PCDH15: variants seen among roughly 807,000 people sequenced by gnomAD.
The protein encoded by PCDH15 is protocadherin related 15, also known as protocadherin-15.
A neutral mutation model predicts 178.5 loss-of-function variants in PCDH15; 129 were observed. That is an observed-to-expected ratio of 0.72 (90% CI 0.63 to 0.84). PCDH15 has a LOEUF of 0.84. Among genes scored for constraint, PCDH15 ranks in the 40% least tolerant of loss-of-function variants. PCDH15 has a pLI of 0.00. For missense variants in PCDH15, 2,230 were observed against 2,099.9 expected (o/e 1.06, Z -1.21); for synonymous variants, 800 against 732.0 (o/e 1.09, Z -1.50).
In PCDH15 at chr10:54,157,609, T is replaced by C. The variant is rs2045295511; in HGVS notation, c.1591-4316A>G. On this transcript the variant is annotated intron_variant, in intron 13 of 37. Coordinates refer to ENST00000644397, the MANE Select transcript of PCDH15 (RefSeq NM_001384140.1). ...ACATGCCCTGGAGATATTTTCCCCA[T>C]TGTCTTGGGGATTAACATTCAGCTT... Among the ~76,000 whole-genome samples the C allele has an allele frequency of 3.3e-5, 5 of 152,220 alleles. No homozygotes were observed. The South Asian group carries it at 8.3e-4, about 25-fold the overall frequency.
At chr10:55,430,928 T>C (rs1295724034) in intron 2 of PCDH15, among the ~76,000 whole-genome samples, 1 of 152,164 alleles carries the variant, frequency 6.6e-6, no homozygotes, top group Admixed American at 6.5e-5. Context: ...CTACAAACTT[T>C]TGAATATGCA....
In PCDH15 at chr10:55,043,643, A is replaced by G. The variant is rs897252823; in HGVS notation, c.-80+122933T>C. On this transcript the variant is annotated intron_variant, in intron 2 of 5. Coordinates refer to the PCDH15 transcript ENST00000458638. ...GAGGTTCACTTGAGCCTGGGAGCTC[A>G]ATGCTACAGTTAGCCATGATTGTGC... Among the ~76,000 whole-genome samples, 7 of 152,024 alleles carry G rather than the reference A, an allele frequency of 4.6e-5. No individual in the cohort carries two copies. In the East Asian group the frequency reaches 1.4e-3, roughly 29 times the overall value.
chr10:55,263,961 C>G (rs1000611272), intron 1 of PCDH15, among the ~76,000 whole-genome samples: 27 of 149,044 alleles, frequency 1.8e-4, no homozygotes, highest in Non-Finnish European at 3.1e-4. Flanking sequence ...GTCTCGATCT[C>G]CGGACCTCGT....
intron 1 of PCDH15, among the ~76,000 whole-genome samples, chr10:55,267,255 T>C (rs1842323614): frequency 6.6e-6 from 1 of 152,232 alleles, no homozygotes; most frequent in Non-Finnish European, 1.5e-5. Flanking sequence ...TCTGTTTATC[T>C]AACTATTATC....
At chr10:54,546,451 C>T (rs2085864434) in intron 2 of PCDH15, among the ~76,000 whole-genome samples, 1 of 151,904 alleles carries the variant, frequency 6.6e-6, no homozygotes, top group Non-Finnish European at 1.5e-5. Flanking sequence ...TTAGTGATTT[C>T]TTATTGAATT....
At chr10:55,015,518 AAGCGAGG>A (rs1840151305) in intron 2 of PCDH15, among the ~76,000 whole-genome samples, 1 of 152,192 alleles carries the variant, frequency 6.6e-6, no homozygotes, top group Non-Finnish European at 1.5e-5. Context: ...AGTCAAAAAT[AAGCGAGG>A]ATAGGTCCAA....
intron 2 of PCDH15, among the ~76,000 whole-genome samples, chr10:54,569,017 T>C (rs2089429566): frequency 6.6e-6 from 1 of 151,952 alleles, no homozygotes; most frequent in African/African-American, 2.4e-5. Context: ...AAAATTGCTC[T>C]AATATAATTT....
chr10:54,449,419 A>G (rs2076331686), intron 3 of PCDH15, among the ~76,000 whole-genome samples: 2 of 151,750 alleles, frequency 1.3e-5, no homozygotes, highest in African/African-American at 4.8e-5. Context: ...ACATTGCCAC[A>G]CACAGTTTTC....
chr10:54,022,582 T>A (rs1316710774), intron 19 of PCDH15, among the ~76,000 whole-genome samples: 2 of 152,112 alleles, frequency 1.3e-5, no homozygotes, highest in Admixed American at 1.3e-4. Context: ...CTTCATAAAC[T>A]ATTGTATTGT....
intron 2 of PCDH15, among the ~76,000 whole-genome samples, chr10:54,918,078 A>G (rs1031707008): frequency 1.3e-5 from 2 of 151,308 alleles, no homozygotes; most frequent in East Asian, 1.9e-4. Flanking sequence ...TATGTTAAAC[A>G]CATCATAACC....
chr10:55,015,260 A>G (rs1473490729), intron 2 of PCDH15, among the ~76,000 whole-genome samples: 1 of 151,996 alleles, frequency 6.6e-6, no homozygotes, highest in Non-Finnish European at 1.5e-5. Context: ...AAATCTAGTT[A>G]GTCTATCTCT....
intron 17 of PCDH15, among the ~76,000 whole-genome samples, chr10:54,073,474 A>T (rs966694936): frequency 3.9e-5 from 6 of 152,208 alleles, no homozygotes; most frequent in African/African-American, 1.2e-4. Context: ...TTCCTATTTG[A>T]TTATGAAGTT....
At chr10:54,985,506 G>A (rs1246603063) in intron 2 of PCDH15, among the ~76,000 whole-genome samples, 1 of 152,066 alleles carries the variant, frequency 6.6e-6, no homozygotes, top group Non-Finnish European at 1.5e-5. Flanking sequence ...TCATAACTTA[G>A]CCTAGCCTTG....
intron 2 of PCDH15, among the ~76,000 whole-genome samples, chr10:55,118,998 C>A (rs1484417313): frequency 2.0e-5 from 3 of 152,150 alleles, no homozygotes; most frequent in East Asian, 3.9e-4. Flanking sequence ...GAGGACCATG[C>A]TCCCTCTGTT....
At chr10:55,505,714 A>G (rs1006226755) in intron 2 of PCDH15, among the ~76,000 whole-genome samples, 1 of 151,538 alleles carries the variant, frequency 6.6e-6, no homozygotes, top group Non-Finnish European at 1.5e-5. Context: ...TATAGTCATC[A>G]GCAAGACTAG....
chr10:54,990,311 T>C (rs952846474), intron 2 of PCDH15, among the ~76,000 whole-genome samples: 26 of 152,306 alleles, frequency 1.7e-4, no homozygotes, highest in African/African-American at 5.8e-4. Flanking sequence ...TTTTTTTAAA[T>C]GACACATCAC....
intron 1 of PCDH15, among the ~76,000 whole-genome samples, chr10:54,669,144 C>T (rs1196055767): frequency 1.3e-5 from 2 of 152,106 alleles, no homozygotes. Flanking sequence ...AACCTGTCTT[C>T]TACCTCAGCA....
intron 27 of PCDH15, among the ~76,000 whole-genome samples, chr10:53,862,654 C>T (rs186178683): frequency 5.4e-4 from 82 of 152,228 alleles, no homozygotes; most frequent in African/African-American, 2.0e-3. Flanking sequence ...CTCCCTTCAT[C>T]CATTTTGTGT....
At chr10:54,808,003 TC>T (rs1158344895) in intron 3 of PCDH15, among the ~76,000 whole-genome samples, 9 of 151,884 alleles carry the variant, frequency 5.9e-5, no homozygotes, top group African/African-American at 2.2e-4. Context: ...ATTTTATAGT[TC>T]TTTGGCGTTC....
Sources: gnomAD v4.1 joint callset for allele counts (sites outside exome capture counted in the v4.1 genomes callset) on GRCh38, gnomAD v4.1.1 for gene constraint, MANE v1.5 for transcripts, NCBI Gene and HGNC (gene_info 2026-07-23, HGNC 2026-07-21) for gene names.